CSMD3: variants seen among roughly 807,000 people sequenced by gnomAD.
The protein encoded by CSMD3 is CUB and Sushi multiple domains 3, also known as CUB and sushi domain-containing protein 3.
Under a neutral mutation model 435.2 loss-of-function variants are expected in CSMD3, and 177 were observed. The observed-to-expected ratio is 0.41, with a 90% CI of 0.36 to 0.46. The LOEUF (loss-of-function observed/expected upper bound fraction) is 0.46. Ranked by LOEUF, CSMD3 falls within the 20% of genes least tolerant of loss-of-function variation. The pLI is 0.34. For synonymous variants in CSMD3, 1,656 were observed against 1,520.5 expected (o/e 1.09, Z -2.07); for missense variants, 4,265 against 4,504.6 (o/e 0.95, Z 1.52).
intron 6 of CSMD3, among the ~76,000 whole-genome samples, chr8:112,983,782 A>G (rs1200017264): frequency 6.6e-6 from 1 of 151,922 alleles, no homozygotes; most frequent in Non-Finnish European, 1.5e-5. Context: ...CATTATTAAC[A>G]GGTCTGGTGT....
In CSMD3 at chr8:112,408,899, G is replaced by A. The variant is rs2130074619; in HGVS notation, c.5509+20C>T. Reference sequence around the variant, plus strand: ...GTCTTTAATCAGTAACTGATGCATGGCAGTTCTATTAAAGGATACCTGAAT... The same window carrying A: ...GTCTTTAATCAGTAACTGATGCATGACAGTTCTATTAAAGGATACCTGAAT... On this transcript the variant is annotated intron_variant, in intron 33 of 70. Transcript: ENST00000297405. 2 of 1,613,176 alleles carry A rather than the reference G, an allele frequency of 1.2e-6. No individual in the cohort carries two copies. The highest frequency in any genetic ancestry group is 1.7e-6 in the Non-Finnish European group (2 of 1,179,406).
chr8:112,802,691 A>G (rs2078987471), intron 12 of CSMD3, among the ~76,000 whole-genome samples: 1 of 151,850 alleles, frequency 6.6e-6, no homozygotes, highest in South Asian at 2.1e-4. Context: ...GAGGATTGGG[A>G]TATGAACGGT....
intron 22 of CSMD3, among the ~76,000 whole-genome samples, chr8:112,636,187 G>C (rs1190565271): frequency 2.6e-5 from 4 of 152,004 alleles, no homozygotes; most frequent in Non-Finnish European, 1.5e-5. Flanking sequence ...TACTTCCAAA[G>C]ATTGAGATGG....
chr8:113,115,448 C>A (rs2090793481), intron 4 of CSMD3, among the ~76,000 whole-genome samples: 1 of 152,180 alleles, frequency 6.6e-6, no homozygotes, highest in Non-Finnish European at 1.5e-5. Flanking sequence ...CAAATACTCC[C>A]TCTCAGTCCT....
chr8:112,406,249 AATAT>A (rs1489539394), intron 35 of CSMD3, among the ~76,000 whole-genome samples: 1 of 152,036 alleles, frequency 6.6e-6, no homozygotes, highest in African/African-American at 2.4e-5. Flanking sequence ...TGTTCCTGGA[AATAT>A]ATATATTTAC....
intron 24 of CSMD3, among the ~76,000 whole-genome samples, chr8:112,563,173 A>G (rs1362958531): frequency 6.6e-6 from 1 of 151,864 alleles, no homozygotes; most frequent in Non-Finnish European, 1.5e-5. Context: ...GAAGAGTTAT[A>G]CTCTTTTTCT....
intron 35 of CSMD3, among the ~76,000 whole-genome samples, chr8:112,404,251 T>C (rs1831575305): frequency 1.3e-5 from 2 of 152,178 alleles, no homozygotes; most frequent in Admixed American, 6.6e-5. Flanking sequence ...ATAACCTGGC[T>C]GGGTGCGGTG....
chr8:113,090,641 A>G (rs1588054111), intron 5 of CSMD3, among the ~76,000 whole-genome samples: 1 of 152,124 alleles, frequency 6.6e-6, no homozygotes, highest in South Asian at 2.1e-4. Flanking sequence ...TGCTTTGCCA[A>G]CATCTTCAAT....
intron 3 of CSMD3, among the ~76,000 whole-genome samples, chr8:113,206,880 A>C (rs983230319): frequency 3.3e-5 from 5 of 152,188 alleles, no homozygotes; most frequent in African/African-American, 1.2e-4. Flanking sequence ...TCTTGTACAA[A>C]TATTCTTACA....
chr8:112,755,458 G>A (rs1055033491), intron 13 of CSMD3, among the ~76,000 whole-genome samples: 4 of 151,336 alleles, frequency 2.6e-5, no homozygotes, highest in South Asian at 4.2e-4. Context: ...CCCCCACTTC[G>A]TTCTGCACTT....
At chr8:112,391,388 C>T (rs1207602379) in intron 35 of CSMD3, among the ~76,000 whole-genome samples, 1 of 152,010 alleles carries the variant, frequency 6.6e-6, no homozygotes, top group Non-Finnish European at 1.5e-5. Context: ...ATTGTCTTGC[C>T]CAAGATCACA....
intron 41 of CSMD3, among the ~76,000 whole-genome samples, chr8:112,345,306 T>A (rs145849234): frequency 6.6e-6 from 1 of 152,290 alleles, no homozygotes; most frequent in East Asian, 1.9e-4. Flanking sequence ...TCTGCAGCAT[T>A]ACTCACAATG....
chr8:113,050,714 C>G (rs17603665), intron 5 of CSMD3, among the ~76,000 whole-genome samples: 71,988 of 151,792 alleles, frequency 0.47, 19,443 homozygotes, highest in East Asian at 0.87. Flanking sequence ...TGACTTATGC[C>G]CAGAAGAGAC....
At chr8:112,518,768 G>A (rs1366413162) in intron 27 of CSMD3, among the ~76,000 whole-genome samples, 2 of 152,006 alleles carry the variant, frequency 1.3e-5, no homozygotes, top group South Asian at 2.1e-4. Flanking sequence ...AACTACCTGG[G>A]AATGGGTAAT....
intron 1 of CSMD3, among the ~76,000 whole-genome samples, chr8:113,430,674 A>G (rs1403751901): frequency 6.6e-6 from 1 of 152,362 alleles, no homozygotes; most frequent in South Asian, 2.1e-4. Flanking sequence ...GTTGGAGAAC[A>G]CTTTGAAAAT....
chr8:112,753,926 TA>T lies in CSMD3; in HGVS notation c.1972+46235del, dbSNP rs374607845. 5.2e-3 allele frequency among the ~76,000 whole-genome samples: 788 copies of T among 152,272 alleles called. 8 individuals are homozygous for T. The highest frequency in any genetic ancestry group is 0.017 in the African/African-American group (707 of 41,556). ...TGGTCTTCATGAAAAAAGAAGTTAA[TA>T]CAAATTGCCAAAATTTATCTTGAAA... is the stretch of plus-strand genomic sequence containing the variant. On this transcript the variant is annotated intron_variant, in intron 13 of 70. Coordinates refer to ENST00000297405, the MANE Select transcript of CSMD3 (RefSeq NM_198123.2).
In CSMD3 at chr8:112,775,320, G is replaced by A. The variant is rs1017082387; in HGVS notation, c.1972+24842C>T. On this transcript the variant is annotated intron_variant, in intron 13 of 70. Transcript: ENST00000297405. ...AAACTGCCTTAAAAGAAGAACTCAA[G>A]CATATAGCATCTGTCATAGCATAAA... is the stretch of plus-strand genomic sequence containing the variant. Among the ~76,000 whole-genome samples, 7 of 151,676 alleles carry A rather than the reference G, an allele frequency of 4.6e-5. No individual in the cohort carries two copies. In the East Asian group the frequency reaches 1.4e-3, roughly 30 times the overall value.
At chr8:112,247,192 CAG>C in intron 63 of CSMD3, 61 bp from the exon 64 acceptor site, 4 of 1,013,424 alleles carry the variant, frequency 3.9e-6, no homozygotes, top group South Asian at 3.9e-5. Context: ...TGGCAACAAA[CAG>C]AGCTTGAGTG....
At chr8:112,624,220 GT>G (rs1407770718) in intron 22 of CSMD3, among the ~76,000 whole-genome samples, 7 of 151,872 alleles carry the variant, frequency 4.6e-5, no homozygotes, top group African/African-American at 1.7e-4. Flanking sequence ...AGAAAGAAAG[GT>G]TTCTTAAAAG....
Sources: allele counts gnomAD v4.1 joint callset (sites outside exome capture counted in the v4.1 genomes callset), GRCh38; gene constraint gnomAD v4.1.1; transcripts MANE v1.5; gene names NCBI Gene and HGNC (gene_info 2026-07-23, HGNC 2026-07-21).